Variants in THSD7A observed in about 807,000 individuals in gnomAD.
The protein encoded by THSD7A is thrombospondin type 1 domain containing 7A.
In THSD7A, 96 loss-of-function variants were observed where a neutral mutation model predicts 231.3. The ratio of observed to expected loss-of-function variants is 0.41; its 90% confidence interval spans 0.35 to 0.49. THSD7A has a LOEUF of 0.49. Ranked by LOEUF, THSD7A falls within the 20% of genes least tolerant of loss-of-function variation. THSD7A has a pLI of 0.05. For synonymous variants in THSD7A, 940 were observed against 743.3 expected (o/e 1.26, Z -4.30); for missense variants, 2,290 against 2,070.2 (o/e 1.11, Z -2.06).
At chr7:11,409,497 T>C (rs1236293766) in intron 19 of THSD7A, among the ~76,000 whole-genome samples, 3 of 152,254 alleles carry the variant, frequency 2.0e-5, no homozygotes, top group Admixed American at 6.5e-5. Flanking sequence ...TTCCCAGGTT[T>C]TTACTCATAT....
At chr7:11,379,476 A>C in intron 25 of THSD7A, 154 bp downstream of exon 25, 1 of 876,526 alleles carries the variant, frequency 1.1e-6, no homozygotes, top group Non-Finnish European at 1.8e-6. Flanking sequence ...AAGCAAGTGA[A>C]GTCAGGACTT....
chr7:11,557,807 T>C (rs974773983), intron 4 of THSD7A, among the ~76,000 whole-genome samples: 3 of 152,138 alleles, frequency 2.0e-5, no homozygotes, highest in Admixed American at 6.6e-5. Context: ...AGATAGCAAC[T>C]AGCAGTGATG....
intron 7 of THSD7A, among the ~76,000 whole-genome samples, chr7:11,479,291 A>G (rs4720989): frequency 0.76 from 114,910 of 152,160 alleles, 43,355 homozygotes; most frequent in South Asian, 0.83. Context: ...TCTGATTAAG[A>G]TAAGTGAAAG....
chr7:11,695,967 T>C (rs1423984347), intron 1 of THSD7A, among the ~76,000 whole-genome samples: 1 of 151,418 alleles, frequency 6.6e-6, no homozygotes, highest in Non-Finnish European at 1.5e-5. Flanking sequence ...AGGACTGAAA[T>C]GAGTTTAAGT....
intron 1 of THSD7A, among the ~76,000 whole-genome samples, chr7:11,743,125 G>GT (rs1280458410): frequency 2.0e-5 from 3 of 151,790 alleles, no homozygotes; most frequent in Non-Finnish European, 4.4e-5. Context: ...AGTGACATTT[G>GT]TTTACCTATT....
At chr7:11,702,899 C>G (rs1216031721) in intron 1 of THSD7A, among the ~76,000 whole-genome samples, 1 of 151,212 alleles carries the variant, frequency 6.6e-6, no homozygotes, top group Non-Finnish European at 1.5e-5. Context: ...CCTCAGACTT[C>G]TTCCTGCTTC....
intron 13 of THSD7A, among the ~76,000 whole-genome samples, chr7:11,436,432 T>C (rs1287505607): frequency 2.0e-5 from 3 of 152,054 alleles, no homozygotes; most frequent in African/African-American, 7.2e-5. Context: ...CTGTGGTAAA[T>C]TGAAAAACTG....
At chr7:11,638,889 T>C (rs185436019) in intron 1 of THSD7A, among the ~76,000 whole-genome samples, 1 of 152,270 alleles carries the variant, frequency 6.6e-6, no homozygotes, top group Non-Finnish European at 1.5e-5. Flanking sequence ...GATACTTTCT[T>C]AAAGATTTTT....
intron 1 of THSD7A, among the ~76,000 whole-genome samples, chr7:11,794,959 A>G (rs1288392013): frequency 6.6e-6 from 1 of 152,082 alleles, no homozygotes; most frequent in Admixed American, 6.6e-5. Flanking sequence ...TATATACTTT[A>G]TAAATACTAT....
chr7:11,400,988 G>C (rs902414540), intron 23 of THSD7A, among the ~76,000 whole-genome samples: 1 of 152,078 alleles, frequency 6.6e-6, no homozygotes, highest in African/African-American at 2.4e-5. Flanking sequence ...TGCTTACATT[G>C]AGTGAATGAT....
chr7:11,528,320 A>C (rs1202826898), intron 6 of THSD7A, among the ~76,000 whole-genome samples: 1 of 152,124 alleles, frequency 6.6e-6, no homozygotes, highest in Non-Finnish European at 1.5e-5. Context: ...GTCTCTTTTA[A>C]TTATTTCTGT....
At chr7:11,409,512 T>C (rs984015378) in intron 19 of THSD7A, among the ~76,000 whole-genome samples, 10 of 152,236 alleles carry the variant, frequency 6.6e-5, no homozygotes, top group African/African-American at 2.4e-4. Flanking sequence ...TCATATTCGA[T>C]GTAAGAAATC....
chr7:11,606,429 A>T (rs1317492667), intron 2 of THSD7A, among the ~76,000 whole-genome samples: 1 of 151,990 alleles, frequency 6.6e-6, no homozygotes, highest in African/African-American at 2.4e-5. Flanking sequence ...ACCCTCCTAA[A>T]CCCAGTTCAA....
intron 6 of THSD7A, among the ~76,000 whole-genome samples, chr7:11,533,312 G>A (rs1374823800): frequency 6.6e-6 from 1 of 152,078 alleles, no homozygotes; most frequent in Non-Finnish European, 1.5e-5. Flanking sequence ...AGATATTTTA[G>A]GGGAAAATTC....
chr7:11,457,829 ACTT>A (rs1340827185), intron 11 of THSD7A, among the ~76,000 whole-genome samples: 3 of 151,946 alleles, frequency 2.0e-5, no homozygotes, highest in African/African-American at 4.8e-5. Flanking sequence ...TATCCTCTCT[ACTT>A]CTTCTAATAT....
At chr7:11,648,377 C>T (rs1782362993) in intron 1 of THSD7A, among the ~76,000 whole-genome samples, 2 of 151,920 alleles carry the variant, frequency 1.3e-5, no homozygotes. Context: ...AGGGAAGGTC[C>T]TCTCTGTAAA....
At chr7:11,740,045 T>C (rs1368142177) in intron 1 of THSD7A, among the ~76,000 whole-genome samples, 1 of 151,992 alleles carries the variant, frequency 6.6e-6, no homozygotes, top group Admixed American at 6.6e-5. Flanking sequence ...GAAGAAACTT[T>C]TATTCACTGG....
intron 1 of THSD7A, among the ~76,000 whole-genome samples, chr7:11,726,753 C>A (rs947961375): frequency 1.3e-5 from 2 of 152,000 alleles, no homozygotes; most frequent in African/African-American, 4.8e-5. Context: ...ATGAGTAGTG[C>A]TGAAATTAAC....
chr7:11,494,205 A>T lies in THSD7A; in HGVS notation c.1823-12223T>A, dbSNP rs552177109. ...ATGGATAAAGACATATTGAGTTTTA[A>T]AAACAAAACCAACTGGTCATGGCCT... On this transcript the variant is annotated intron_variant, in intron 6 of 27. Transcript: ENST00000423059. Among the ~76,000 whole-genome samples the T allele has an allele frequency of 1.5e-4, 23 of 152,162 alleles. 1 individual carries two copies. In the South Asian group the frequency reaches 4.8e-3, roughly 31 times the overall value.
Sources: allele counts gnomAD v4.1 joint callset (sites outside exome capture counted in the v4.1 genomes callset), GRCh38; gene constraint gnomAD v4.1.1; transcripts MANE v1.5; gene names NCBI Gene and HGNC (gene_info 2026-07-23, HGNC 2026-07-21).